Variants in ZFP90 observed in about 807,000 individuals in gnomAD.
ZFP90 encodes the protein ZFP90 zinc finger protein.
Under a neutral mutation model 60.8 loss-of-function variants are expected in ZFP90, and 38 were observed. The observed-to-expected ratio is 0.62, with a 90% confidence interval of 0.48 to 0.82. The LOEUF is 0.82. Among genes scored for constraint, ZFP90 ranks in the 40% least tolerant of loss-of-function variants. ZFP90 has a pLI of 0.00. For synonymous variants in ZFP90, 287 were observed against 264.8 expected (o/e 1.08, Z -0.82); for missense variants, 711 against 759.1 (o/e 0.94, Z 0.74).
chr16:68,572,590 C>T (rs1045197702), intron 2 of ZFP90, among the ~76,000 whole-genome samples: 1 of 152,240 alleles, frequency 6.6e-6, no homozygotes, highest in African/African-American at 2.4e-5. Flanking sequence ...TAAGGAGGTT[C>T]TGATCCAGAG....
chr16:68,538,764 A>AAGGGG (rs565785927), upstream of ZFP90, among the ~76,000 whole-genome samples: 14 of 152,178 alleles, frequency 9.2e-5, no homozygotes, highest in South Asian at 2.9e-3. Context: ...AATCCTGCGT[A>AAGGGG]AGGGGATACG....
At chr16:68,574,124 G>T (rs550728035) in intron 2 of ZFP90, 40 of 145,256 alleles carry the variant, frequency 2.8e-4, no homozygotes, top group African/African-American at 9.7e-4. Flanking sequence ...GCAGGAGACT[G>T]CCATCTCCTA....
At chr16:68,533,985 A>ATCTT (rs761701680) in intron 2 of ZFP90, 1 of 152,112 alleles carries the variant, frequency 6.6e-6, no homozygotes, top group Non-Finnish European at 1.5e-5. Flanking sequence ...GAATCTTTAT[A>ATCTT]TCTTTAATCA....
chr16:68,554,214 C>G (rs142459141), intron 2 of ZFP90, among the ~76,000 whole-genome samples: 1 of 151,586 alleles, frequency 6.6e-6, no homozygotes, highest in Non-Finnish European at 1.5e-5. Context: ...TTCCACCTCC[C>G]GGGTTCAAGT....
In ZFP90 at chr16:68,564,473, T is replaced by A. The variant is rs1427592606; in HGVS notation, c.1686T>A (p.Phe562Leu). The change falls in exon 5 of 5, where the codon TTT becomes TTA. Residue 562 changes from phenylalanine to leucine, a missense_variant. Around this residue, in one of 5 missense-constraint regions of ZFP90, gnomAD observed 295 missense variants for 274.0 expected, o/e 1.08. Transcript: ENST00000563169. Reference protein sequence around the residue: ...PYECIDCGKAFSQSSSLIQHE... With the variant: ...PYECIDCGKALSQSSSLIQHE... The stretch of plus-strand genomic sequence containing the variant: ...AATGTATTGACTGTGGGAAAGCCTT[T>A]AGTCAAAGTTCATCTCTCATTCAGC... The A allele has an allele frequency of 6.2e-7, 1 of 1,614,054 alleles. No homozygotes were observed. The highest frequency in any genetic ancestry group is 8.5e-7 in the Non-Finnish European group (1 of 1,179,956).
intron 2 of ZFP90, among the ~76,000 whole-genome samples, chr16:68,544,313 G>A (rs2091106360): frequency 6.6e-6 from 1 of 152,230 alleles, no homozygotes; most frequent in South Asian, 2.1e-4. Flanking sequence ...TTGGGAGGCT[G>A]AGGTGAGAGG....
rs1453215340 is a variant in ZFP90, at chr16:68,539,820, C to T, written c.28C>T (p.Pro10Ser). 2.5e-6 allele frequency: 4 copies of T among 1,605,950 alleles called. No homozygotes were observed. Among genetic ancestry groups the T allele is most frequent in the African/African-American group, 1.3e-5 (1 of 74,872 alleles). MAPRPPTAAPQESVTFKDVS... is the reference protein window; with the variant it reads MAPRPPTAASQESVTFKDVS... Reference sequence around the variant, plus strand: ...GGCCCCGAGGCCTCCGACCGCCGCGCCCCAGGTGAGCAACGCGTTCCTAAC... The same window carrying T: ...GGCCCCGAGGCCTCCGACCGCCGCGTCCCAGGTGAGCAACGCGTTCCTAAC... The change falls in exon 2 of 5, where the codon CCC (proline) becomes TCC (serine). Residue 10 changes from proline to serine, a missense_variant. Physicochemically the swap from Pro to Ser is moderately conservative, Grantham distance 74 (BLOSUM62 -1). Transcript: ENST00000563169.
downstream of ZFP90, among the ~76,000 whole-genome samples, chr16:68,570,544 G>C (rs1567416806): frequency 6.6e-6 from 1 of 152,218 alleles, no homozygotes; most frequent in Non-Finnish European, 1.5e-5. Flanking sequence ...TCATGGAAAG[G>C]GGTGGTAACT....
downstream of ZFP90, among the ~76,000 whole-genome samples, chr16:68,570,244 G>T (rs2091560922): frequency 1.3e-5 from 2 of 152,106 alleles, no homozygotes; most frequent in African/African-American, 4.8e-5. Flanking sequence ...TGGATTCCAT[G>T]TGGCTAAATC....
Position 68,539,865 on chromosome 16 carries a change from T to A in ZFP90, c.33+40T>A, listed in dbSNP as rs777912798. 47 of 1,598,460 alleles carry A rather than the reference T, an allele frequency of 2.9e-5. No individual in the cohort carries two copies. In the South Asian group the frequency reaches 4.6e-4, roughly 16 times the overall value. On this transcript the variant is annotated intron_variant, in intron 2 of 4. Transcript: ENST00000563169. ...CCTAACCTCCTGGGCATCCCATCCA[T>A]CTATCCATCCCATCTCCCAAGGGTG...
At position 68,563,376 on chromosome 16, in the gene ZFP90, GACTT is replaced by G; in HGVS notation, c.595_598del (p.Leu199MetfsTer214). ...TGGAAGCAATTTGGGACATAATGCA[GACTT>G]ACTTAATGAGAATAATATTCTTGCA... On this transcript the variant is annotated frameshift_variant, in exon 5 of 5. Transcript: ENST00000563169. LOFTEE classifies it high-confidence loss of function. 2 of 1,614,024 alleles carry G rather than the reference GACTT, an allele frequency of 1.2e-6. No individual in the cohort carries two copies. Among genetic ancestry groups the G allele is most frequent in the East Asian group, 2.2e-5 (1 of 44,876 alleles).
At chr16:68,568,423 A>G (rs2091549945), downstream of ZFP90, among the ~76,000 whole-genome samples, 1 of 152,246 alleles carries the variant, frequency 6.6e-6, no homozygotes, top group African/African-American at 2.4e-5. Context: ...GAGGGGAATT[A>G]GAACTTTTAT....
chr16:68,551,058 G>C (rs1161731407), intron 2 of ZFP90, among the ~76,000 whole-genome samples: 1 of 152,170 alleles, frequency 6.6e-6, no homozygotes, highest in Non-Finnish European at 1.5e-5. Flanking sequence ...GGTATCAGAG[G>C]CCACTTAGTG....
At position 68,558,624 on chromosome 16, in the gene ZFP90, G is replaced by A. The variant is rs981633205; in HGVS notation, c.256+56G>A. ...GAATGCAGTTAATGGCACAACTTAG[G>A]GAGGGGGAGATACCCTCCAGCAGCT... is the stretch of plus-strand genomic sequence containing the variant. On this transcript the variant is annotated intron_variant, in intron 4 of 4. Coordinates refer to ENST00000563169, the MANE Select transcript of ZFP90 (RefSeq NM_001305203.2). The A allele has an allele frequency of 1.3e-5, 19 of 1,510,746 alleles. No homozygotes were observed. In the Admixed American group the frequency reaches 2.0e-4, roughly 16 times the overall value. 93.6% of individuals were successfully genotyped at this position (1,510,746 alleles called of 1,614,324 possible).
intron 3 of ZFP90, 133 bp downstream of exon 3, chr16:68,558,257 G>T: frequency 7.1e-7 from 1 of 1,408,858 alleles, no homozygotes; most frequent in Non-Finnish European, 9.9e-7. Flanking sequence ...ATCTCATTGG[G>T]ACCCAGTTTT....
chr16:68,557,016 C>G (rs1036634832), intron 2 of ZFP90, among the ~76,000 whole-genome samples: 2 of 152,154 alleles, frequency 1.3e-5, no homozygotes, highest in Non-Finnish European at 2.9e-5. Flanking sequence ...TTGAGACAGT[C>G]TCACTCCGTC....
At chr16:68,537,946 G>A (rs548600098), upstream of ZFP90, among the ~76,000 whole-genome samples, 25 of 151,188 alleles carry the variant, frequency 1.7e-4, no homozygotes, top group African/African-American at 5.6e-4. Context: ...GAGTTTTGCT[G>A]TTGTTGCCCA....
intron 2 of ZFP90, among the ~76,000 whole-genome samples, chr16:68,544,901 T>G (rs2091119252): frequency 1.0e-5 from 1 of 97,150 alleles, no homozygotes; most frequent in Non-Finnish European, 2.0e-5. Context: ...TTTTTTTTTT[T>G]GAGATGGAGT....
chr16:68,555,263 T>C (rs1323308489), intron 2 of ZFP90: 1 of 152,258 alleles, frequency 6.6e-6, no homozygotes, highest in Non-Finnish European at 1.5e-5. Flanking sequence ...TCTTTTGCAT[T>C]TTTAGTCTGC....
Sources: gnomAD v4.1 joint callset for allele counts (sites outside exome capture counted in the v4.1 genomes callset) on GRCh38, gnomAD v4.1.1 for gene constraint, gnomAD v4.1.1 regional missense constraint, MANE v1.5 for transcripts, NCBI Gene and HGNC (gene_info 2026-07-23, HGNC 2026-07-21) for gene names.